Variants in PTPRD observed in about 807,000 individuals in gnomAD.
PTPRD encodes the protein receptor-type tyrosine-protein phosphatase delta.
Under a neutral mutation model 214.5 loss-of-function variants are expected in PTPRD, and 34 were observed. That is an observed-to-expected ratio of 0.16 (90% CI 0.12 to 0.21). The LOEUF (loss-of-function observed/expected upper bound fraction) is 0.21. Ranked by LOEUF, PTPRD falls within the 10% of genes least tolerant of loss-of-function variation. PTPRD has a pLI of 1.00. For missense variants in PTPRD, 2,545 were observed against 2,398.7 expected, an observed-to-expected ratio of 1.06 and a Z score of -1.27; for synonymous variants, 1,128 against 845.7, an observed-to-expected ratio of 1.33 and a Z score of -5.79.
intron 8 of PTPRD, among the ~76,000 whole-genome samples, chr9:9,437,279 T>G (rs2085655300): frequency 6.6e-6 from 1 of 152,186 alleles, no homozygotes; most frequent in Admixed American, 6.5e-5. Context: ...TTTTTAACTC[T>G]TCTTCTTGGA....
At chr9:8,417,752 A>G (rs1182112858) in intron 35 of PTPRD, among the ~76,000 whole-genome samples, 3 of 152,160 alleles carry the variant, frequency 2.0e-5, no homozygotes, top group Non-Finnish European at 4.4e-5. Context: ...TGAAAGAGGC[A>G]TATTTATACT....
intron 14 of PTPRD, among the ~76,000 whole-genome samples, chr9:8,632,604 G>C (rs922862973): frequency 6.6e-6 from 1 of 151,904 alleles, no homozygotes. Context: ...GCCTGAATTA[G>C]AGACATACAA....
At chr9:8,951,280 A>G (rs2099100717) in intron 11 of PTPRD, among the ~76,000 whole-genome samples, 1 of 149,118 alleles carries the variant, frequency 6.7e-6, no homozygotes. Flanking sequence ...TTCTTACCAC[A>G]TGGACCACTC....
intron 2 of PTPRD, among the ~76,000 whole-genome samples, chr9:10,427,143 T>C (rs1463725175): frequency 7.5e-6 from 1 of 133,612 alleles, no homozygotes. Context: ...GATAAATCTA[T>C]TTTTTAAAAC....
At chr9:8,377,218 G>A (rs538798275) in intron 37 of PTPRD, among the ~76,000 whole-genome samples, 26 of 152,126 alleles carry the variant, frequency 1.7e-4, no homozygotes, top group African/African-American at 5.8e-4. Context: ...AACAACATAA[G>A]CATGTGCTTT....
intron 5 of PTPRD, 58 bp downstream of exon 5, chr9:9,938,449 C>T (rs958790890): frequency 1.3e-5 from 2 of 151,988 alleles, no homozygotes; most frequent in Non-Finnish European, 2.9e-5. Flanking sequence ...GATAGAAGTC[C>T]AAAAAATACA....
At chr9:8,766,770 A>G (rs1052483213) in intron 11 of PTPRD, among the ~76,000 whole-genome samples, 5 of 152,212 alleles carry the variant, frequency 3.3e-5, no homozygotes, top group African/African-American at 1.2e-4. Flanking sequence ...TCTTTCTTAA[A>G]TGTATATAAA....
intron 8 of PTPRD, among the ~76,000 whole-genome samples, chr9:9,431,668 T>C (rs1013661474): frequency 6.6e-6 from 1 of 152,088 alleles, no homozygotes; most frequent in East Asian, 1.9e-4. Context: ...TGTCCAACAA[T>C]GATAGACTGG....
chr9:9,778,912 G>C (rs1354201217), intron 5 of PTPRD, among the ~76,000 whole-genome samples: 4 of 151,554 alleles, frequency 2.6e-5, no homozygotes, highest in Non-Finnish European at 5.9e-5. Context: ...GCAATCCTAA[G>C]TAAAAAGAAC....
chr9:9,962,548 A>T (rs1434770989), intron 4 of PTPRD, among the ~76,000 whole-genome samples: 1 of 152,156 alleles, frequency 6.6e-6, no homozygotes, highest in Non-Finnish European at 1.5e-5. Flanking sequence ...GTCAATATTT[A>T]GAAAATTGCC....
intron 9 of PTPRD, among the ~76,000 whole-genome samples, chr9:9,252,513 G>A (rs2099975901): frequency 6.6e-6 from 1 of 151,858 alleles, no homozygotes; most frequent in Non-Finnish European, 1.5e-5. Context: ...ACAGCTTCTT[G>A]CTCTCAGATC....
intron 10 of PTPRD, among the ~76,000 whole-genome samples, chr9:9,146,965 A>G (rs2099869616): frequency 6.6e-6 from 1 of 152,278 alleles, no homozygotes; most frequent in Non-Finnish European, 1.5e-5. Flanking sequence ...TGACTTTTTA[A>G]AAACATTTTC....
chr9:9,170,425 G>A (rs530866884), intron 10 of PTPRD, among the ~76,000 whole-genome samples: 1 of 152,290 alleles, frequency 6.6e-6, no homozygotes, highest in East Asian at 1.9e-4. Flanking sequence ...GTCCTTAAAT[G>A]AATCTTTTGT....
chr9:8,783,112 C>T (rs2095802326), intron 11 of PTPRD, among the ~76,000 whole-genome samples: 1 of 152,006 alleles, frequency 6.6e-6, no homozygotes, highest in Non-Finnish European at 1.5e-5. Context: ...ATCAACATGA[C>T]CAGAATATTA....
chr9:8,709,289 C>G (rs148504552), intron 12 of PTPRD, among the ~76,000 whole-genome samples: 14 of 151,628 alleles, frequency 9.2e-5, no homozygotes, highest in Admixed American at 5.9e-4. Flanking sequence ...CTGAGGTGGG[C>G]GGATCACGAG....
At chr9:9,860,435 ACAT>A (rs1266426756) in intron 5 of PTPRD, among the ~76,000 whole-genome samples, 1 of 152,236 alleles carries the variant, frequency 6.6e-6, no homozygotes, top group Admixed American at 6.5e-5. Flanking sequence ...GAGAAACAAA[ACAT>A]CACTTTTCAT....
chr9:8,692,493 C>G (rs947737859), intron 12 of PTPRD, among the ~76,000 whole-genome samples: 3 of 152,196 alleles, frequency 2.0e-5, no homozygotes, highest in Non-Finnish European at 2.9e-5. Flanking sequence ...ATTGCCTCAT[C>G]TTTCCTAGCT....
At position 9,113,061 on chromosome 9, in the gene PTPRD, C is replaced by T. The variant is rs571688766; in HGVS notation, c.-143+70243G>A. Among the ~76,000 whole-genome samples, 5 of 151,678 alleles carry T rather than the reference C, an allele frequency of 3.3e-5. No individual in the cohort carries two copies. The South Asian group carries it at 8.3e-4, about 25-fold the overall frequency. On this transcript the variant is annotated intron_variant, in intron 10 of 45. Coordinates refer to ENST00000381196, the MANE Select transcript of PTPRD (RefSeq NM_002839.4). ...CTCACTGCAGCCTCAAACACCTGGA[C>T]CCAAGTGATCCTCCTCCCTCAGCCT...
At chr9:8,520,090 C>T (rs1488286160) in intron 20 of PTPRD, among the ~76,000 whole-genome samples, 2 of 152,152 alleles carry the variant, frequency 1.3e-5, no homozygotes, top group African/African-American at 2.4e-5. Context: ...ATTTCCCCTA[C>T]ATGTCTTTCT....
Sources: allele counts gnomAD v4.1 joint callset (sites outside exome capture counted in the v4.1 genomes callset), GRCh38; gene constraint gnomAD v4.1.1; transcripts MANE v1.5; gene names NCBI Gene and HGNC (gene_info 2026-07-23, HGNC 2026-07-21).